Variants in PRODH2 observed in about 807,000 individuals in gnomAD.
PRODH2 encodes hydroxyproline dehydrogenase.
Under a neutral mutation model 51.9 loss-of-function variants are expected in PRODH2, and 49 were observed. That is an observed-to-expected ratio of 0.94 (90% CI 0.75 to 1.20). PRODH2 has a LOEUF of 1.20. Among genes scored for constraint, PRODH2 ranks in the 50% most tolerant of loss-of-function variants. PRODH2 has a pLI of 0.00. For synonymous variants in PRODH2, 249 were observed against 260.7 expected (o/e 0.96, Z 0.43); for missense variants, 597 against 610.9 (o/e 0.98, Z 0.24).
chr19:35,811,304 G>A (rs757770826), intron 4 of PRODH2, among the ~76,000 whole-genome samples: 1 of 151,552 alleles, frequency 6.6e-6, no homozygotes, highest in Non-Finnish European at 1.5e-5. Context: ...TATAATCCCA[G>A]AACTTTGGGG....
intron 7 of PRODH2, among the ~76,000 whole-genome samples, chr19:35,805,229 T>C (rs1476576828): frequency 1.3e-5 from 2 of 152,246 alleles, no homozygotes; most frequent in East Asian, 3.9e-4. Flanking sequence ...AATTCTATGA[T>C]ACGTGAATTA....
At chr19:35,806,291 C>T in intron 7 of PRODH2, 139 bp downstream of exon 7, 1 of 1,086,284 alleles carries the variant, frequency 9.2e-7, no homozygotes, top group African/African-American at 1.6e-5. Context: ...CCTGTGTTGC[C>T]CAGGCTGGTC....
Position 35,812,409 on chromosome 19 carries a change from G to A in PRODH2, c.322C>T (p.Leu108=). The change falls in exon 2 of 10, where the codon CTG becomes TTG. Residue 108 remains leucine (L), a synonymous_variant. Coordinates refer to ENST00000653904, the MANE Select transcript of PRODH2 (RefSeq NM_021232.2). ...TCCTCCTCAGTGGGCACTGCCAGCAGTGGTCGGAGGCTGAGGGTCCGCAGC... is the reference window on the plus strand; with the variant it reads ...TCCTCCTCAGTGGGCACTGCCAGCAATGGTCGGAGGCTGAGGGTCCGCAGC... ...QQLRTLSLRP[L]LAVPTEEEPD... The A allele has an allele frequency of 6.2e-7, 1 of 1,614,246 alleles. No homozygotes were observed. Among genetic ancestry groups the A allele is most frequent in the Non-Finnish European group, 8.5e-7 (1 of 1,180,032 alleles).
chr19:35,801,954 G>A (rs1972437890), intron 9 of PRODH2: 1 of 522,650 alleles, frequency 1.9e-6, no homozygotes, highest in Admixed American at 3.1e-5. Flanking sequence ...AGGCCCTGAG[G>A]AGCAGCACAG....
chr19:35,803,358 G>T (rs1199251650), intron 7 of PRODH2, among the ~76,000 whole-genome samples: 1 of 152,118 alleles, frequency 6.6e-6, no homozygotes, highest in Non-Finnish European at 1.5e-5. Flanking sequence ...AGGTTCAAGG[G>T]ATTCTCCTGC....
Position 35,812,635 on chromosome 19 carries a change from C to G in PRODH2, c.171G>C (p.Leu57=), listed in dbSNP as rs1288945796. 6.3e-7 allele frequency: 1 copy of G among 1,593,016 alleles called. No homozygotes were observed. The highest frequency in any genetic ancestry group is 1.7e-5 in the Admixed American group (1 of 58,678). Residue 57 remains leucine, a synonymous_variant, in exon 1 of 10, where the codon CTG becomes CTC. Coordinates refer to ENST00000653904, the MANE Select transcript of PRODH2 (RefSeq NM_021232.2). ...GGTCCTCAGGATCACTGCTCACCAA[C>G]AGCCCGTGAGTGACGAGTGGGGGCC... ...CAWPPLVTHG[L]LLQAWSRRLL... is the part of the protein sequence containing the mutation.
intron 1 of PRODH2, 21 bp from the exon 2 acceptor site, chr19:35,812,577 G>T (rs1972633169): frequency 6.2e-6 from 10 of 1,610,638 alleles, no homozygotes; most frequent in Non-Finnish European, 8.5e-6. Context: ...GGGAGCGAGG[G>T]CTCAGCGCCA....
rs1332275470 is a variant in PRODH2 at position 35,812,282 on chromosome 19, C to T, written c.372-10G>A. ...CTCATACCACGCCTCACTGCCCAGC[C>T]AGCAGGTGTCAGGGCCCGAACAGCA... On this transcript the variant is annotated splice_polypyrimidine_tract_variant and intron_variant, in intron 2 of 9. Transcript: ENST00000653904. 7 of 1,612,976 alleles carry T rather than the reference C, an allele frequency of 4.3e-6. No individual in the cohort carries two copies. The highest frequency in any genetic ancestry group is 5.9e-6 in the Non-Finnish European group (7 of 1,179,638).
chr19:35,811,474 AGGGG>A (rs1972609401), intron 4 of PRODH2, among the ~76,000 whole-genome samples: 1 of 108,674 alleles, frequency 9.2e-6, no homozygotes, highest in African/African-American at 3.6e-5. Context: ...GGAGGGAGGG[AGGGG>A]AGAGAAGGAA....
At chr19:35,804,696 G>A (rs1330726719) in intron 7 of PRODH2, among the ~76,000 whole-genome samples, 1 of 152,266 alleles carries the variant, frequency 6.6e-6, no homozygotes, top group Non-Finnish European at 1.5e-5. Flanking sequence ...CAGCACTTGG[G>A]GAGGCCAAGG....
chr19:35,805,783 C>G (rs1972501179), intron 7 of PRODH2, among the ~76,000 whole-genome samples: 1 of 152,216 alleles, frequency 6.6e-6, no homozygotes, highest in African/African-American at 2.4e-5. Context: ...GCCTGGATTC[C>G]AAGCGTGGCT....
chr19:35,802,099 A>G, intron 9 of PRODH2, 92 bp downstream of exon 9: 1 of 1,169,192 alleles, frequency 8.6e-7, no homozygotes, highest in South Asian at 1.2e-5. Context: ...AAGGATCTGG[A>G]GGCTGGGCCT....
At chr19:35,807,476 T>C (rs1972533371) in intron 4 of PRODH2, among the ~76,000 whole-genome samples, 1 of 151,956 alleles carries the variant, frequency 6.6e-6, no homozygotes, top group Non-Finnish European at 1.5e-5. Flanking sequence ...CTAATATTTG[T>C]ACTTTTAGTA....
intron 4 of PRODH2, among the ~76,000 whole-genome samples, chr19:35,808,989 A>G (rs1972559289): frequency 6.6e-6 from 1 of 152,112 alleles, no homozygotes; most frequent in Admixed American, 6.6e-5. Flanking sequence ...CATGTTGCCC[A>G]GGCTGGTCTC....
chr19:35,802,804 C>T lies in PRODH2; in HGVS notation c.1112+164G>A, dbSNP rs117703878. On this transcript the variant is annotated intron_variant, in intron 8 of 9. Coordinates refer to ENST00000653904, the MANE Select transcript of PRODH2 (RefSeq NM_021232.2). ...CTCAAACAATCCTCCACCTTCGCCT[C>T]CCAAAGTGTTGGGATTATAGGCATG... 6.3e-3 allele frequency among the ~76,000 whole-genome samples: 950 copies of T among 151,944 alleles called. 4 individuals carry two copies. Among genetic ancestry groups the T allele is most frequent in the Non-Finnish European group, 9.9e-3 (673 of 67,878 alleles).
chr19:35,812,754 C>G lies in PRODH2; in HGVS notation c.52G>C (p.Gly18Arg), dbSNP rs201790345. ...LCSQAGPPSR[G>R]WQSLSFDGGA... The stretch of plus-strand genomic sequence containing the variant: ...CCATCAAAGCTCAGGGACTGCCAGC[C>G]CCTGGAGGGGGGACCAGCTTGGGAA... The change falls in exon 1 of 10, where the codon GGC becomes CGC. Residue 18 changes from glycine (G) to arginine (R), a missense_variant. Gly to Arg is a moderately radical substitution (Grantham distance 125, BLOSUM62 -2). Transcript: ENST00000653904. 1.2e-5 allele frequency: 19 copies of G among 1,610,040 alleles called. No individual in the cohort carries two copies. The African/African-American group carries it at 2.3e-4, about 19-fold the overall frequency.
In PRODH2 at chr19:35,812,353, T is replaced by C; in HGVS notation, c.371+7A>G. 1 of 1,611,586 alleles carries C rather than the reference T, an allele frequency of 6.2e-7. No homozygotes were observed. The highest frequency in any genetic ancestry group is 8.5e-7 in the Non-Finnish European group (1 of 1,178,092). Reference sequence around the variant, plus strand: ...CCAGCCTCCCTGGGCCCTGGCTCCCTACTCACCCACTCTTGGCAGCAGAGT... The same window carrying C: ...CCAGCCTCCCTGGGCCCTGGCTCCCCACTCACCCACTCTTGGCAGCAGAGT... On this transcript the variant is annotated splice_region_variant and intron_variant, in intron 2 of 9. Coordinates refer to ENST00000653904, the MANE Select transcript of PRODH2 (RefSeq NM_021232.2).
rs748254945 is a variant in PRODH2 at position 35,806,806 on chromosome 19, G to A, written c.703C>T (p.Leu235Phe). Residue 235 changes from leucine to phenylalanine, a missense_variant, in exon 6 of 10, where the codon CTC becomes TTC. Leu to Phe is a conservative substitution (Grantham distance 22, BLOSUM62 0). Coordinates refer to ENST00000653904, the MANE Select transcript of PRODH2 (RefSeq NM_021232.2). ...GAGGTGTACTCCGCATCCACCAGGA[G>A]CCGCACGTGCTGGGCCCGGGCATAC... Reference protein sequence around the residue: ...AQYARAQHVRLLVDAEYTSLN... With the variant: ...AQYARAQHVRFLVDAEYTSLN... 1.2e-6 allele frequency: 2 copies of A among 1,609,904 alleles called. No homozygotes were observed. The highest frequency in any genetic ancestry group is 1.1e-5 in the South Asian group (1 of 90,516).
intron 9 of PRODH2, among the ~76,000 whole-genome samples, chr19:35,800,876 T>G (rs1972413230): frequency 6.6e-6 from 1 of 152,020 alleles, no homozygotes; most frequent in Non-Finnish European, 1.5e-5. Context: ...TTATTTTATC[T>G]CAATTGATTA....
Sources: gnomAD v4.1 joint callset for allele counts (sites outside exome capture counted in the v4.1 genomes callset) on GRCh38, gnomAD v4.1.1 for gene constraint, MANE v1.5 for transcripts, NCBI Gene and HGNC (gene_info 2026-07-23, HGNC 2026-07-21) for gene names.